Variants in WDR18 observed in about 807,000 individuals in gnomAD.
WDR18 encodes the protein WD repeat-containing protein 18.
In WDR18, 33 loss-of-function variants were observed where a neutral mutation model predicts 49.6. The ratio of observed to expected loss-of-function variants is 0.67; its 90% CI spans 0.50 to 0.89. The LOEUF (loss-of-function observed/expected upper bound fraction) is 0.89, where lower values mean the gene tolerates loss of function less well. WDR18 is among the 40% of genes least tolerant of loss of function. The pLI is 0.00. For missense variants in WDR18, 653 were observed against 593.6 expected (o/e 1.10, Z -1.04); for synonymous variants, 315 against 263.6 (o/e 1.19, Z -1.89).
In WDR18 at chr19:990,352, C is replaced by T. The variant is rs1162948861; in HGVS notation, c.585C>T (p.Asp195=). 4.4e-6 allele frequency: 7 copies of T among 1,576,438 alleles called. No individual in the cohort carries two copies. Among genetic ancestry groups the T allele is most frequent in the Non-Finnish European group, 6.0e-6 (7 of 1,168,880 alleles). ...CCCGGGTGGCCACCTCCTCACTGGA[C>T]CAGACGGTGAAGGTACGCCGCCCCC... ...PLARVATSSL[D]QTVKLWEVSS... is the part of the protein sequence containing the mutation. Residue 195 remains aspartate (D), a synonymous_variant, in exon 4 of 10, where the codon GAC becomes GAT. Coordinates refer to ENST00000585809, the MANE Select transcript of WDR18 (RefSeq NM_024100.4).
rs1268869741 is a variant in WDR18 at position 991,154 on chromosome 19, G to A, written c.806+9G>A. 5 of 1,564,896 alleles carry A rather than the reference G, an allele frequency of 3.2e-6. No individual in the cohort carries two copies. Among genetic ancestry groups the A allele is most frequent in the East Asian group, 2.4e-5 (1 of 41,906 alleles). ...GTCTTCAAAGGGCACAGGTGGGGAC[G>A]TGGGAACGGGGCGGGGGCTCCCAGG... On this transcript the variant is annotated intron_variant, in intron 6 of 9. Coordinates refer to ENST00000585809, the MANE Select transcript of WDR18 (RefSeq NM_024100.4).
Position 991,950 on chromosome 19 carries a change from C to T in WDR18, c.932-5C>T, listed in dbSNP as rs1006948911. 6.3e-6 allele frequency: 10 copies of T among 1,580,048 alleles called. No homozygotes were observed. The highest frequency in any genetic ancestry group is 7.7e-6 in the Non-Finnish European group (9 of 1,170,028). On this transcript the variant is annotated splice_region_variant and splice_polypyrimidine_tract_variant and intron_variant, in intron 7 of 9. Coordinates refer to ENST00000585809, the MANE Select transcript of WDR18 (RefSeq NM_024100.4). ...GGGGCGGGGCCTGACCTCCGCGCCC[C>T]CCAGGCCCAGTCACCAATGCCGCCA...
At chr19:993,709 G>C (rs117251899) in intron 8 of WDR18, among the ~76,000 whole-genome samples, 3,068 of 118,770 alleles carry the variant, frequency 0.026, 65 homozygotes, top group Middle Eastern at 0.038. Context: ...TGGGCTTGCG[G>C]GTCCTTCCAG....
chr19:992,213 G>C (rs1315636700), intron 8 of WDR18, 92 bp downstream of exon 8: 3 of 1,357,056 alleles, frequency 2.2e-6, no homozygotes, highest in East Asian at 6.2e-5. Flanking sequence ...CCTGGCGCCC[G>C]TGCGGCGGTT....
At chr19:987,366 G>T (rs72971616) in intron 2 of WDR18, among the ~76,000 whole-genome samples, 6,084 of 152,168 alleles carry the variant, frequency 0.04, 180 homozygotes, top group Non-Finnish European at 0.064. Flanking sequence ...GGTCGGGACA[G>T]GCAGCACAGG....
At chr19:986,817 C>T (rs1431335276) in intron 2 of WDR18, among the ~76,000 whole-genome samples, 6 of 152,198 alleles carry the variant, frequency 3.9e-5, no homozygotes, top group East Asian at 1.9e-4. Flanking sequence ...TGGCCCATAC[C>T]GTAGCTGTGG....
chr19:985,924 C>A lies in WDR18; in HGVS notation c.270C>A (p.Pro90=), dbSNP rs1436647035. 6.2e-7 allele frequency: 1 copy of A among 1,613,938 alleles called. No homozygotes were observed. The highest frequency in any genetic ancestry group is 1.1e-5 in the South Asian group (1 of 91,088). Residue 90 remains proline (P), a synonymous_variant, in exon 2 of 10, where the codon CCC becomes CCA. Transcript: ENST00000585809. ...CTGTCACCTGTCTGACTGCATCACC[C>A]AATGGTCTCTACGTCCTGGCAGGAG... ...PGPVTCLTAS[P]NGLYVLAGVA... is the part of the protein sequence containing the mutation.
At chr19:993,526 G>A (rs768535602) in intron 8 of WDR18, among the ~76,000 whole-genome samples, 6 of 152,260 alleles carry the variant, frequency 3.9e-5, no homozygotes, top group South Asian at 2.1e-4. Flanking sequence ...GGCCCAAGGC[G>A]CTTCGTCCAG....
chr19:988,679 T>C (rs182481306), intron 2 of WDR18, among the ~76,000 whole-genome samples: 2 of 152,200 alleles, frequency 1.3e-5, no homozygotes, highest in East Asian at 3.9e-4. Flanking sequence ...GGGGCCACGC[T>C]GCCCCTGGAG....
intron 1 of WDR18, among the ~76,000 whole-genome samples, chr19:985,537 G>A (rs996885465): frequency 6.6e-6 from 1 of 152,086 alleles, no homozygotes; most frequent in Non-Finnish European, 1.5e-5. Context: ...ATGGATAGAA[G>A]GATTGGGGCA....
chr19:984,754 C>T (rs1013178708), intron 1 of WDR18, among the ~76,000 whole-genome samples, 191 bp downstream of exon 1: 4 of 150,440 alleles, frequency 2.7e-5, no homozygotes, highest in Non-Finnish European at 5.9e-5. Flanking sequence ...TTAGGCCGCT[C>T]TGCGCACGCG....
chr19:986,755 C>T (rs1222598502), intron 2 of WDR18, among the ~76,000 whole-genome samples: 1 of 152,156 alleles, frequency 6.6e-6, no homozygotes, highest in Non-Finnish European at 1.5e-5. Flanking sequence ...AGTGAGTGGG[C>T]ACAGAGATGT....
intron 2 of WDR18, among the ~76,000 whole-genome samples, chr19:987,829 G>GTTTTTTTTTTTTTT (rs71174337): frequency 0.047 from 4,282 of 91,426 alleles, 688 homozygotes; most frequent in African/African-American, 0.08. Flanking sequence ...GCCGCCTCCA[G>GTTTTTTTTTTTTTT]TTTTTTTTTT....
chr19:990,492 G>T (rs1029451323), intron 4 of WDR18, 128 bp downstream of exon 4: 2 of 1,308,946 alleles, frequency 1.5e-6, no homozygotes, highest in East Asian at 5.5e-5. Context: ...TTAATCCCCT[G>T]GTGCTCTGAG....
rs760596218 is a variant in WDR18 at position 989,809 on chromosome 19, C to G, written c.369C>G (p.Asp123Glu). 42 of 1,612,744 alleles carry G rather than the reference C, an allele frequency of 2.6e-5. No individual in the cohort carries two copies. The Admixed American group carries it at 5.3e-4, about 20-fold the overall frequency. Residue 123 changes from aspartate (D) to glutamate (E), a missense_variant, in exon 3 of 10, where the codon GAC becomes GAG. Transcript: ENST00000585809. ...LLVILSRHYQ[D>E]VSCLQFTGDS... ...TCATCCTGAGTCGACACTACCAGGA[C>G]GTCTCCTGCCTTCAGTTCACAGGGG...
At chr19:988,096 C>T (rs11669758) in intron 2 of WDR18, among the ~76,000 whole-genome samples, 93,710 of 151,670 alleles carry the variant, frequency 0.62, 29,856 homozygotes, top group Non-Finnish European at 0.71. Flanking sequence ...TCCCAAAGTG[C>T]TGGGATGACA....
chr19:984,780 A>C (rs1201135501), intron 1 of WDR18, among the ~76,000 whole-genome samples: 3 of 125,888 alleles, frequency 2.4e-5, no homozygotes, highest in Admixed American at 9.3e-5. Context: ...CTCAGGCCTG[A>C]GCTGCTATGG....
intron 7 of WDR18, 130 bp from the exon 8 acceptor site, chr19:991,824 TG>T: frequency 2.3e-6 from 2 of 873,386 alleles, no homozygotes; most frequent in Non-Finnish European, 2.9e-6. Flanking sequence ...GGGGCCTGGC[TG>T]GGGGCGTGGA....
chr19:990,253 G>A lies in WDR18; in HGVS notation c.486G>A (p.Pro162=), dbSNP rs138997096. ...SVLQADPSRI[P]APRHVWSHHA... The stretch of plus-strand genomic sequence containing the variant: ...TGCAGGCCGACCCCTCCAGGATTCC[G>A]GCGCCCAGGCACGTCTGGTCTCACC... Residue 162 remains proline, a synonymous_variant, in exon 4 of 10, where the codon CCG becomes CCA. Coordinates refer to ENST00000585809, the MANE Select transcript of WDR18 (RefSeq NM_024100.4). The A allele has an allele frequency of 1.0e-3, 1,608 of 1,598,672 alleles. 13 individuals carry two copies. In the African/African-American group the frequency reaches 0.018, roughly 18 times the overall value.
Sources: allele counts gnomAD v4.1 joint callset (sites outside exome capture counted in the v4.1 genomes callset), GRCh38; gene constraint gnomAD v4.1.1; transcripts MANE v1.5; gene names NCBI Gene and HGNC (gene_info 2026-07-23, HGNC 2026-07-21).